Variants in FGF12 observed in about 807,000 individuals in gnomAD.
FGF12 encodes fibroblast growth factor 12, also known as fibroblast growth factor 12B.
In FGF12, 14 loss-of-function variants were observed where a neutral mutation model predicts 23.6. The ratio of observed to expected loss-of-function variants is 0.59; its 90% CI spans 0.39 to 0.93. The LOEUF (loss-of-function observed/expected upper bound fraction) is 0.93, where lower values mean the gene tolerates loss of function less well. Ranked by LOEUF, FGF12 falls within the 40% of genes least tolerant of loss-of-function variation. The probability of loss-of-function intolerance (pLI) is 0.00; values close to 1 mark genes in which losing one functional copy is unlikely to be tolerated. For missense variants in FGF12, 175 were observed against 217.8 expected, an observed-to-expected ratio of 0.80 and a Z score of 1.24; for synonymous variants, 62 against 77.3, an observed-to-expected ratio of 0.80 and a Z score of 1.04.
intron 2 of FGF12, among the ~76,000 whole-genome samples, chr3:192,373,333 G>T (rs1158957720): frequency 4.0e-5 from 6 of 150,342 alleles, no homozygotes; most frequent in Non-Finnish European, 5.9e-5. Context: ...TGGGCTTCAG[G>T]TTTCATCTAT....
chr3:192,328,428 C>T (rs577541444), intron 4 of FGF12, among the ~76,000 whole-genome samples: 8 of 152,230 alleles, frequency 5.3e-5, no homozygotes, highest in South Asian at 4.1e-4. Context: ...TCCTGCTTGG[C>T]GACACTTCAT....
At chr3:192,222,062 T>C (rs1718503189) in intron 4 of FGF12, among the ~76,000 whole-genome samples, 1 of 152,146 alleles carries the variant, frequency 6.6e-6, no homozygotes, top group Non-Finnish European at 1.5e-5. Flanking sequence ...GTGACATGTA[T>C]TCAGATACTA....
At chr3:192,527,244 C>T (rs1724966601) in intron 2 of FGF12, among the ~76,000 whole-genome samples, 1 of 152,172 alleles carries the variant, frequency 6.6e-6, no homozygotes, top group African/African-American at 2.4e-5. Flanking sequence ...AGCAGCCTTC[C>T]CTGCCTCCAG....
chr3:192,316,914 A>G (rs1716254917), intron 4 of FGF12, among the ~76,000 whole-genome samples: 1 of 152,148 alleles, frequency 6.6e-6, no homozygotes, highest in Non-Finnish European at 1.5e-5. Context: ...CTCAACCACT[A>G]TAGAATAGAG....
rs532005331 is a variant in FGF12, at chr3:192,564,232, T to C, written c.13+162949A>G. Reference sequence around the variant, plus strand: ...GCGCCCGCCACCATGCCCGGCTAATTTGTGTATTTTTAGTAGAGACGGGGT... The same window carrying C: ...GCGCCCGCCACCATGCCCGGCTAATCTGTGTATTTTTAGTAGAGACGGGGT... On this transcript the variant is annotated intron_variant, in intron 2 of 5. Transcript: ENST00000445105. 1.6e-4 allele frequency among the ~76,000 whole-genome samples: 25 copies of C among 152,088 alleles called. No homozygotes were observed. In the South Asian group the frequency reaches 4.6e-3, roughly 28 times the overall value.
chr3:192,287,474 T>C (rs1714518800), intron 4 of FGF12, among the ~76,000 whole-genome samples: 1 of 152,080 alleles, frequency 6.6e-6, no homozygotes, highest in African/African-American at 2.4e-5. Flanking sequence ...TGTTTAGCTA[T>C]CTGGTCTGTT....
Position 192,624,300 on chromosome 3 carries a change from T to A in FGF12, c.13+102881A>T, listed in dbSNP as rs559877200. Among the ~76,000 whole-genome samples, 65 of 152,276 alleles carry A rather than the reference T, an allele frequency of 4.3e-4. 1 individual carries two copies. Among genetic ancestry groups the A allele is most frequent in the African/African-American group, 1.5e-3 (63 of 41,546 alleles). On this transcript the variant is annotated intron_variant, in intron 2 of 5. Transcript: ENST00000445105. ...GCAGTTAGGCCTGTTTCTATTTATATCAACATAGGAAAAACATAATTTAGA... is the reference window on the plus strand; with the variant it reads ...GCAGTTAGGCCTGTTTCTATTTATAACAACATAGGAAAAACATAATTTAGA...
intron 2 of FGF12, among the ~76,000 whole-genome samples, chr3:192,630,084 T>C (rs768214630): frequency 7.2e-5 from 11 of 152,236 alleles, no homozygotes; most frequent in Admixed American, 2.0e-4. Flanking sequence ...GTCCTCGTGA[T>C]AGTGAGTGAG....
intron 4 of FGF12, among the ~76,000 whole-genome samples, chr3:192,285,061 T>C (rs1281351842): frequency 6.6e-6 from 1 of 152,080 alleles, no homozygotes; most frequent in Non-Finnish European, 1.5e-5. Context: ...CAAGCTATTG[T>C]AGTATACTAA....
chr3:192,356,495 C>T (rs1372862588), intron 3 of FGF12, among the ~76,000 whole-genome samples: 1 of 149,782 alleles, frequency 6.7e-6, no homozygotes, highest in East Asian at 1.9e-4. Flanking sequence ...ACCCTCCAAA[C>T]TGCCATTGTC....
At chr3:192,594,273 G>C (rs1713747953) in intron 2 of FGF12, among the ~76,000 whole-genome samples, 1 of 151,840 alleles carries the variant, frequency 6.6e-6, no homozygotes, top group African/African-American at 2.4e-5. Context: ...GTTTTACCTG[G>C]TTTGCAAGGT....
chr3:192,234,280 C>G (rs924784548), intron 4 of FGF12, among the ~76,000 whole-genome samples: 9 of 152,140 alleles, frequency 5.9e-5, no homozygotes, highest in African/African-American at 2.2e-4. Flanking sequence ...CCCTGGTTAG[C>G]TGTCTTCCTA....
chr3:192,168,995 T>A (rs1715386924), intron 5 of FGF12, among the ~76,000 whole-genome samples: 1 of 151,990 alleles, frequency 6.6e-6, no homozygotes, highest in Non-Finnish European at 1.5e-5. Context: ...GCAGATGAGA[T>A]AAATGGATAA....
chr3:192,692,068 T>C (rs2108721077), intron 2 of FGF12, among the ~76,000 whole-genome samples: 1 of 152,250 alleles, frequency 6.6e-6, no homozygotes, highest in South Asian at 2.1e-4. Context: ...GCCTTGATGG[T>C]TGAATTCTAC....
intron 4 of FGF12, among the ~76,000 whole-genome samples, chr3:192,178,790 G>A (rs945396764): frequency 2.0e-5 from 3 of 152,252 alleles, no homozygotes; most frequent in African/African-American, 4.8e-5. Context: ...AAGCCACTGC[G>A]CCAGGTCTAA....
At chr3:192,488,536 G>A (rs1437288286) in intron 2 of FGF12, among the ~76,000 whole-genome samples, 1 of 151,934 alleles carries the variant, frequency 6.6e-6, no homozygotes, top group Non-Finnish European at 1.5e-5. Flanking sequence ...ACATAGTTGT[G>A]ATTCTTTTCT....
intron 2 of FGF12, among the ~76,000 whole-genome samples, chr3:192,440,222 AAG>A (rs1201639293): frequency 6.6e-6 from 1 of 152,224 alleles, no homozygotes; most frequent in African/African-American, 2.4e-5. Flanking sequence ...TATTTGTTAT[AAG>A]AGCAACAGGA....
intron 5 of FGF12, among the ~76,000 whole-genome samples, chr3:192,158,504 C>T (rs1469907401): frequency 6.7e-6 from 1 of 148,928 alleles, no homozygotes; most frequent in Non-Finnish European, 1.5e-5. Context: ...CTCTCTCTTT[C>T]CTTTTTCTTT....
intron 2 of FGF12, among the ~76,000 whole-genome samples, chr3:192,572,724 A>G (rs1486767544): frequency 6.6e-6 from 1 of 152,204 alleles, no homozygotes; most frequent in Non-Finnish European, 1.5e-5. Context: ...AAACTATTTT[A>G]ATCAGAGCTA....
Sources: allele counts gnomAD v4.1 joint callset (sites outside exome capture counted in the v4.1 genomes callset), GRCh38; gene constraint gnomAD v4.1.1; transcripts MANE v1.5; gene names NCBI Gene and HGNC (gene_info 2026-07-23, HGNC 2026-07-21).